The following STAU2 variants were observed in gnomAD, a reference collection of about 807,000 sequenced individuals.
STAU2 encodes the protein double-stranded RNA-binding protein Staufen homolog 2.
In STAU2, 20 loss-of-function variants were observed where a neutral mutation model predicts 65.9. That is an observed-to-expected ratio of 0.30 (90% CI 0.21 to 0.44). The LOEUF (loss-of-function observed/expected upper bound fraction) is 0.44. Ranked by LOEUF, STAU2 falls within the 20% of genes least tolerant of loss-of-function variation. STAU2 has a pLI of 1.00. For missense variants in STAU2, 558 were observed against 683.9 expected, an observed-to-expected ratio of 0.82 and a Z score of 2.05; for synonymous variants, 232 against 233.9, an observed-to-expected ratio of 0.99 and a Z score of 0.07.
At chr8:73,441,586 A>T (rs990902514) in intron 13 of STAU2, 3 of 152,216 alleles carry the variant, frequency 2.0e-5, no homozygotes, top group Admixed American at 2.0e-4. Context: ...CTCCATAGAC[A>T]CTTATTGGCT....
intron 12 of STAU2, among the ~76,000 whole-genome samples, chr8:73,553,017 T>C (rs1313312451): frequency 6.6e-6 from 1 of 152,146 alleles, no homozygotes; most frequent in East Asian, 1.9e-4. Context: ...ATATGACCAT[T>C]GTAGGGATTA....
chr8:73,588,668 T>C (rs974922275), intron 11 of STAU2, among the ~76,000 whole-genome samples: 7 of 152,172 alleles, frequency 4.6e-5, no homozygotes, highest in East Asian at 1.9e-4. Flanking sequence ...TAAAGCTTCA[T>C]TGCTTCTGAA....
At chr8:73,648,490 G>A (rs56046157) in intron 6 of STAU2, among the ~76,000 whole-genome samples, 19,397 of 152,076 alleles carry the variant, frequency 0.13, 1,706 homozygotes, top group East Asian at 0.37. Flanking sequence ...GAACCACCAC[G>A]TCTGTGTATA....
intron 13 of STAU2, among the ~76,000 whole-genome samples, chr8:73,478,305 TA>T (rs10660977): frequency 0.023 from 1,775 of 77,482 alleles, 20 homozygotes; most frequent in African/African-American, 0.043. Flanking sequence ...ACTGATGAGC[TA>T]AAAAAAAAAA....
chr8:73,483,407 A>G (rs1820744689), intron 13 of STAU2, among the ~76,000 whole-genome samples: 1 of 152,144 alleles, frequency 6.6e-6, no homozygotes, highest in African/African-American at 2.4e-5. Context: ...GACCATTTAT[A>G]TAGCTCTTAT....
At chr8:73,718,655 T>C (rs1419655890) in intron 3 of STAU2, among the ~76,000 whole-genome samples, 4 of 152,252 alleles carry the variant, frequency 2.6e-5, no homozygotes, top group Non-Finnish European at 5.9e-5. Context: ...AGCCAATTCC[T>C]AGGTAAAGAA....
At chr8:73,707,354 T>C (rs1011584690) in intron 4 of STAU2, among the ~76,000 whole-genome samples, 1 of 152,142 alleles carries the variant, frequency 6.6e-6, no homozygotes, top group African/African-American at 2.4e-5. Context: ...AAGACTGAAA[T>C]TAACATTATG....
intron 5 of STAU2, among the ~76,000 whole-genome samples, chr8:73,683,165 G>A (rs1463741767): frequency 6.6e-6 from 1 of 152,060 alleles, no homozygotes; most frequent in East Asian, 1.9e-4. Context: ...AACAAAAAAA[G>A]AAAGCCACAG....
At chr8:73,703,930 GAAGT>G (rs1332908520) in intron 4 of STAU2, among the ~76,000 whole-genome samples, 1 of 152,164 alleles carries the variant, frequency 6.6e-6, no homozygotes, top group East Asian at 1.9e-4. Flanking sequence ...AATTATGAAA[GAAGT>G]CAGTTTGCAT....
intron 13 of STAU2, among the ~76,000 whole-genome samples, chr8:73,469,414 C>T (rs1585820839): frequency 1.3e-5 from 2 of 150,718 alleles, no homozygotes; most frequent in African/African-American, 2.4e-5. Context: ...TGTAACAAAG[C>T]TGCACGTTGT....
chr8:73,707,769 A>G (rs1820616342), intron 4 of STAU2, among the ~76,000 whole-genome samples: 2 of 152,146 alleles, frequency 1.3e-5, no homozygotes, highest in South Asian at 4.1e-4. Context: ...AAAACTAATG[A>G]CCAACATATA....
intron 1 of STAU2, among the ~76,000 whole-genome samples, chr8:73,745,871 C>A (rs951689390): frequency 6.6e-6 from 1 of 152,160 alleles, no homozygotes; most frequent in African/African-American, 2.4e-5. Context: ...GCCATTACCC[C>A]CACCGCCTCC....
At chr8:73,578,733 C>T (rs918847400) in intron 12 of STAU2, among the ~76,000 whole-genome samples, 1 of 152,156 alleles carries the variant, frequency 6.6e-6, no homozygotes, top group Non-Finnish European at 1.5e-5. Context: ...TAAAAGCTGG[C>T]TACATTCTTA....
intron 4 of STAU2, among the ~76,000 whole-genome samples, chr8:73,700,946 A>C (rs1820055058): frequency 6.6e-6 from 1 of 152,164 alleles, no homozygotes; most frequent in African/African-American, 2.4e-5. Flanking sequence ...GGAACAGAAG[A>C]GAGAATCCAG....
intron 13 of STAU2, among the ~76,000 whole-genome samples, chr8:73,461,703 G>A (rs1819359271): frequency 6.6e-6 from 1 of 152,054 alleles, no homozygotes; most frequent in Admixed American, 6.6e-5. Flanking sequence ...GTAGGAGGGA[G>A]AGAATGAGGT....
intron 6 of STAU2, among the ~76,000 whole-genome samples, chr8:73,658,892 G>A (rs570416608): frequency 7.4e-5 from 11 of 148,976 alleles, no homozygotes; most frequent in East Asian, 4.0e-4. Context: ...CAGCCTGGGC[G>A]ACAGAGAGAA....
At chr8:73,703,276 C>A (rs1275964703) in intron 4 of STAU2, among the ~76,000 whole-genome samples, 1 of 151,854 alleles carries the variant, frequency 6.6e-6, no homozygotes, top group Admixed American at 6.6e-5. Context: ...GTGTGTGGGA[C>A]CCCCCCAATC....
At chr8:73,655,851 T>C (rs1182248326) in intron 6 of STAU2, among the ~76,000 whole-genome samples, 2 of 151,986 alleles carry the variant, frequency 1.3e-5, no homozygotes, top group African/African-American at 4.8e-5. Flanking sequence ...GGTTTCACCG[T>C]GTTAGCCAGG....
At chr8:73,435,130 C>T (rs1817599333) in intron 13 of STAU2, among the ~76,000 whole-genome samples, 1 of 151,912 alleles carries the variant, frequency 6.6e-6, no homozygotes, top group Non-Finnish European at 1.5e-5. Context: ...TGAGGTTGGT[C>T]TGCCCACTGT....
Sources: gnomAD v4.1 joint callset for allele counts (sites outside exome capture counted in the v4.1 genomes callset) on GRCh38, gnomAD v4.1.1 for gene constraint, MANE v1.5 for transcripts, NCBI Gene and HGNC (gene_info 2026-07-23, HGNC 2026-07-21) for gene names.